The following NKD1 variants were observed in gnomAD, a reference collection of about 807,000 sequenced individuals.
The protein encoded by NKD1 is NKD inhibitor of Wnt signaling pathway 1, also known as protein naked cuticle homolog 1.
NKD1 carries 21 observed loss-of-function variants against 56.0 expected under a neutral mutation model. The observed-to-expected ratio is 0.38, with a 90% CI of 0.27 to 0.54. NKD1 has a LOEUF of 0.54. NKD1 is among the 20% of genes least tolerant of loss of function. The pLI, the probability that NKD1 is intolerant of heterozygous loss-of-function variation, is 0.82. For synonymous variants in NKD1, 263 were observed against 265.7 expected (o/e 0.99, Z 0.10); for missense variants, 578 against 642.7 (o/e 0.90, Z 1.09).
In NKD1 at chr16:50,632,786, A is replaced by G. The variant is rs948386755; in HGVS notation, c.823+378A>G. Among the ~76,000 whole-genome samples the G allele has an allele frequency of 6.6e-6, 1 of 151,956 alleles. No individual in the cohort carries two copies. Among genetic ancestry groups the G allele is most frequent in the Admixed American group, 6.6e-5 (1 of 15,264 alleles). ...ACTGTGTCTTTATCAGCCTTGACATATGTTGACCTCTTGCTCAATTTCACT... is the reference window on the plus strand; with the variant it reads ...ACTGTGTCTTTATCAGCCTTGACATGTGTTGACCTCTTGCTCAATTTCACT... On this transcript the variant is annotated intron_variant, in intron 9 of 9. Transcript: ENST00000268459. The surrounding 1 kb of genome is among the most constrained non-coding windows in gnomAD (Gnocchi z 4.1).
At chr16:50,602,974 C>G (rs1046764721) in intron 3 of NKD1, among the ~76,000 whole-genome samples, 1 of 152,194 alleles carries the variant, frequency 6.6e-6, no homozygotes, top group Non-Finnish European at 1.5e-5. Flanking sequence ...TGAGCATCGT[C>G]CCAGGGTGGA....
intron 7 of NKD1, 133 bp downstream of exon 7, chr16:50,630,466 A>C: frequency 8.7e-6 from 6 of 690,944 alleles, no homozygotes; most frequent in East Asian, 3.5e-5. Flanking sequence ...TGGGGTTCAA[A>C]TGGGTCCTTG....
rs994777414 is a variant in NKD1 at position 50,632,480 on chromosome 16, G to A, written c.823+72G>A. On this transcript the variant is annotated intron_variant, in intron 9 of 9. Transcript: ENST00000268459. The surrounding 1 kb of genome is among the most constrained non-coding windows in gnomAD (Gnocchi z 4.1). The stretch of plus-strand genomic sequence containing the variant: ...GCTGGACGGGCCAGGCGGGCCGTGC[G>A]GGTGGTGTTCACTGCTACCCCAGGC... 9 of 1,526,374 alleles carry A rather than the reference G, an allele frequency of 5.9e-6. No individual in the cohort carries two copies. The highest frequency in any genetic ancestry group is 2.3e-5 in the South Asian group (2 of 87,392). The allele number at this position is 1,526,374 out of a possible 1,614,324, so 94.6% of individuals were successfully genotyped here.
chr16:50,554,898 A>G (rs55697162), intron 3 of NKD1, among the ~76,000 whole-genome samples: 35 of 152,296 alleles, frequency 2.3e-4, no homozygotes, highest in Non-Finnish European at 4.9e-4. Context: ...AGGATTACAC[A>G]TGTGAGCCAC....
chr16:50,571,340 T>G, intron 3 of NKD1: 1 of 244,962 alleles, frequency 4.1e-6, no homozygotes, highest in Non-Finnish European at 6.5e-6. Context: ...GCAGCCAGGA[T>G]GAGGACGAGC....
intron 3 of NKD1, among the ~76,000 whole-genome samples, chr16:50,587,431 A>C (rs1961254755): frequency 6.6e-6 from 1 of 152,218 alleles, no homozygotes; most frequent in Non-Finnish European, 1.5e-5. Context: ...ATATAGGTGT[A>C]ATACTTCTAT....
At position 50,548,594 on chromosome 16, in the gene NKD1, C is replaced by A; in HGVS notation, c.25+16C>A. On this transcript the variant is annotated intron_variant, in intron 1 of 9. Coordinates refer to ENST00000268459, the MANE Select transcript of NKD1 (RefSeq NM_033119.5). ...TCCAAGCCGGGTCAGTGCCCCCGCC[C>A]GCGCGCTCGCCCCGGGCCCCGCCGC... is the stretch of plus-strand genomic sequence containing the variant. The A allele has an allele frequency of 1.4e-6, 2 of 1,461,746 alleles. No individual in the cohort carries two copies. Among genetic ancestry groups the A allele is most frequent in the Non-Finnish European group, 1.8e-6 (2 of 1,113,008 alleles). The allele number at this position is 1,461,746 out of a possible 1,614,324, so 90.5% of individuals were successfully genotyped here. A position where few individuals can be genotyped will look rare whatever the true frequency, so the allele number is the denominator to read the frequency against.
chr16:50,595,133 T>G (rs926861749), intron 3 of NKD1, among the ~76,000 whole-genome samples: 1 of 152,204 alleles, frequency 6.6e-6, no homozygotes, highest in Non-Finnish European at 1.5e-5. Context: ...CCTGTGCCTC[T>G]GCTCCCCGAG....
Position 50,598,941 on chromosome 16 carries a change from G to A in NKD1, c.193-9353G>A, listed in dbSNP as rs145775358. On this transcript the variant is annotated intron_variant, in intron 3 of 9. Transcript: ENST00000268459. This position sits in a 1 kb window ranked among gnomAD's most constrained non-coding sequence, Gnocchi z 4.2. Reference sequence around the variant, plus strand: ...GCAGTGGTGGGGCAGGATCAGTGGTGTGGTGGGGTCAGTGGTGTGGTGGGC... The same window carrying A: ...GCAGTGGTGGGGCAGGATCAGTGGTATGGTGGGGTCAGTGGTGTGGTGGGC... Among the ~76,000 whole-genome samples, 2,376 of 151,656 alleles carry A rather than the reference G, an allele frequency of 0.016. 23 individuals are homozygous for A. The highest frequency in any genetic ancestry group is 0.021 in the Non-Finnish European group (1,398 of 67,818).
intron 3 of NKD1, among the ~76,000 whole-genome samples, chr16:50,586,140 G>A (rs1961224846): frequency 6.6e-6 from 1 of 152,148 alleles, no homozygotes; most frequent in Non-Finnish European, 1.5e-5. Flanking sequence ...CTGCCTCCAT[G>A]CCAGGTCCAT....
At chr16:50,628,190 A>G (rs993132256) in intron 6 of NKD1, among the ~76,000 whole-genome samples, 1 of 152,222 alleles carries the variant, frequency 6.6e-6, no homozygotes, top group East Asian at 1.9e-4. Context: ...TCAGTTGCCA[A>G]GATCAGCAAT....
intron 3 of NKD1, among the ~76,000 whole-genome samples, chr16:50,605,707 C>T (rs1961692141): frequency 6.6e-6 from 1 of 152,162 alleles, no homozygotes; most frequent in Non-Finnish European, 1.5e-5. Context: ...AAATACTACA[C>T]CATTTATATA....
intron 3 of NKD1, among the ~76,000 whole-genome samples, chr16:50,568,620 G>C (rs1960816160): frequency 6.6e-6 from 1 of 152,078 alleles, no homozygotes; most frequent in African/African-American, 2.4e-5. Context: ...AGCTTCCTTT[G>C]CTTGTGCCTT....
At chr16:50,603,700 C>A (rs966423216) in intron 3 of NKD1, among the ~76,000 whole-genome samples, 1 of 152,240 alleles carries the variant, frequency 6.6e-6, no homozygotes, top group African/African-American at 2.4e-5. Flanking sequence ...AAAACCCCAA[C>A]CAAACTCCAG....
At chr16:50,549,341 C>T in intron 2 of NKD1, 81 bp from the exon 3 acceptor site, 4 of 1,537,086 alleles carry the variant, frequency 2.6e-6, no homozygotes, top group Admixed American at 1.9e-5. Flanking sequence ...CGCCTCCCAC[C>T]GCGCCTCCTT....
chr16:50,550,769 G>T (rs891851273), intron 3 of NKD1, among the ~76,000 whole-genome samples: 1 of 152,064 alleles, frequency 6.6e-6, no homozygotes, highest in Non-Finnish European at 1.5e-5. Flanking sequence ...TCTAGTTTTT[G>T]ATCTACTTAT....
intron 4 of NKD1, among the ~76,000 whole-genome samples, chr16:50,614,602 T>C (rs1224141679): frequency 6.6e-6 from 1 of 152,142 alleles, no homozygotes; most frequent in Non-Finnish European, 1.5e-5. Flanking sequence ...ACTCACTTTA[T>C]TGACCACTTT....
intron 3 of NKD1, among the ~76,000 whole-genome samples, chr16:50,600,401 T>TC (rs1467010457): frequency 6.6e-6 from 1 of 151,906 alleles, no homozygotes; most frequent in East Asian, 1.9e-4. Flanking sequence ...AGTTGGAGGC[T>TC]GCAGTGAGCT....
At chr16:50,606,394 T>C (rs553082499) in intron 3 of NKD1, 30 of 240,442 alleles carry the variant, frequency 1.2e-4, no homozygotes, top group Non-Finnish European at 2.1e-4. Context: ...GTACAGTGCG[T>C]CCATGAACCA....
Sources: allele counts gnomAD v4.1 joint callset (sites outside exome capture counted in the v4.1 genomes callset), GRCh38; gene constraint gnomAD v4.1.1; non-coding constraint Gnocchi (gnomAD v3.1); transcripts MANE v1.5; gene names NCBI Gene and HGNC (gene_info 2026-07-23, HGNC 2026-07-21).